GSDMC: variants seen among roughly 807,000 people sequenced by gnomAD.
GSDMC encodes gasdermin C, also known as gasdermin-C.
A neutral mutation model predicts 58.0 loss-of-function variants in GSDMC; 59 were observed. The ratio of observed to expected loss-of-function variants is 1.02; its 90% CI spans 0.82 to 1.26. The LOEUF is 1.26. Among genes scored for constraint, GSDMC ranks in the 50% most tolerant of loss-of-function variants. GSDMC has a pLI of 0.00. For synonymous variants in GSDMC, 241 were observed against 220.2 expected, an observed-to-expected ratio of 1.09 and a Z score of -0.83; for missense variants, 659 against 598.5, an observed-to-expected ratio of 1.10 and a Z score of -1.06.
Position 129,750,516 on chromosome 8 carries a change from A to AC in GSDMC, c.997_998insG (p.Leu333ArgfsTer59). The AC allele has an allele frequency of 1.2e-6, 2 of 1,613,862 alleles. No individual in the cohort carries two copies. The highest frequency in any genetic ancestry group is 1.7e-6 in the Non-Finnish European group (2 of 1,179,780). On this transcript the variant is annotated frameshift_variant, in exon 11 of 14. Coordinates refer to ENST00000276708, the MANE Select transcript of GSDMC (RefSeq NM_031415.3). LOFTEE classifies it high-confidence loss of function. Reference sequence around the variant, plus strand: ...CATGACATCCTGAACATCCTTTGAGAGCTGAGCCAGTGTCTTTATTTTCTG... The same window carrying AC: ...CATGACATCCTGAACATCCTTTGAGACGCTGAGCCAGTGTCTTTATTTTCTG...
At chr8:129,749,082 A>G (rs770725745) in intron 13 of GSDMC, among the ~76,000 whole-genome samples, 10 of 152,224 alleles carry the variant, frequency 6.6e-5, no homozygotes, top group Non-Finnish European at 1.5e-4. Flanking sequence ...AGAAAAACAG[A>G]GAAATTAGCA....
the GSDMC span, among the ~76,000 whole-genome samples, chr8:129,738,185 G>A: frequency 6.6e-6 from 1 of 152,338 alleles, no homozygotes; most frequent in South Asian, 2.1e-4. Context: ...TGGAGAGGAT[G>A]TGGAGAAATA....
intron 4 of GSDMC, among the ~76,000 whole-genome samples, chr8:129,763,126 C>T (rs1170061104): frequency 6.6e-6 from 1 of 152,124 alleles, no homozygotes; most frequent in Non-Finnish European, 1.5e-5. Flanking sequence ...CCGATCTTTC[C>T]TTTATCAGTT....
chr8:129,746,480 T>C (rs2032964401), downstream of GSDMC, among the ~76,000 whole-genome samples: 1 of 152,188 alleles, frequency 6.6e-6, no homozygotes, highest in Admixed American at 6.5e-5. Flanking sequence ...ACAATTGGTA[T>C]CTGTGAGGTA....
At chr8:129,729,835 G>A in the GSDMC span, 1 of 717,484 alleles carries the variant, frequency 1.4e-6, no homozygotes, top group Non-Finnish European at 2.5e-6. Context: ...AGACAGAAAA[G>A]CAAGGCTGCA....
At chr8:129,761,882 C>T (rs1209867469) in intron 5 of GSDMC, among the ~76,000 whole-genome samples, 1 of 152,162 alleles carries the variant, frequency 6.6e-6, no homozygotes, top group African/African-American at 2.4e-5. Context: ...ACTCCCGTGA[C>T]CATGTTGCAG....
rs968513041 is a variant in GSDMC, at chr8:129,765,849, G to T, written c.405-56C>A. 16 of 1,456,264 alleles carry T rather than the reference G, an allele frequency of 1.1e-5. No individual in the cohort carries two copies. The South Asian group carries it at 1.9e-4, about 18-fold the overall frequency. The allele number at this position is 1,456,264 out of a possible 1,614,324, so 90.2% of individuals were successfully genotyped here. A position where few individuals can be genotyped will look rare whatever the true frequency, so the allele number is the denominator to read the frequency against. ...AGAGTGGGAAAGTGATGGCTTTTCA[G>T]GTTACTCTGGGTGCCCTTCTCCCCA... On this transcript the variant is annotated intron_variant, in intron 3 of 13. Transcript: ENST00000276708.
chr8:129,717,494 C>T, the GSDMC span, among the ~76,000 whole-genome samples: 18 of 151,994 alleles, frequency 1.2e-4, no homozygotes, highest in East Asian at 1.9e-4. Context: ...AGGAGAACTA[C>T]GAACCACTAC....
chr8:129,766,674 C>G (rs1269979396), intron 3 of GSDMC, among the ~76,000 whole-genome samples: 1 of 152,112 alleles, frequency 6.6e-6, no homozygotes, highest in Non-Finnish European at 1.5e-5. Flanking sequence ...ACACCAAGCT[C>G]GGTGTTTCAC....
intron 12 of GSDMC, 119 bp downstream of exon 12, chr8:129,749,871 T>A (rs2033102636): frequency 1.3e-6 from 1 of 785,680 alleles, no homozygotes; most frequent in Admixed American, 2.9e-5. Flanking sequence ...AGCTGTGATG[T>A]AAGGACGAAA....
downstream of GSDMC, among the ~76,000 whole-genome samples, chr8:129,745,523 CA>C (rs34207831): frequency 0.32 from 49,233 of 151,964 alleles, 11,548 homozygotes; most frequent in African/African-American, 0.65. Flanking sequence ...TTATATGCTA[CA>C]ACCTTAATAT....
chr8:129,718,984 G>A, the GSDMC span, among the ~76,000 whole-genome samples: 1 of 152,106 alleles, frequency 6.6e-6, no homozygotes, highest in South Asian at 2.1e-4. Context: ...GCTGAACAAT[G>A]AGAACACACG....
At chr8:129,765,570 C>G (rs1184447180) in intron 4 of GSDMC, 58 bp downstream of exon 4, 11 of 1,265,448 alleles carry the variant, frequency 8.7e-6, no homozygotes, top group Non-Finnish European at 1.3e-5. Flanking sequence ...TGAAGCTTGG[C>G]TGCCAGGACT....
the GSDMC span, among the ~76,000 whole-genome samples, chr8:129,712,761 G>A: frequency 6.6e-6 from 1 of 152,214 alleles, no homozygotes; most frequent in Non-Finnish European, 1.5e-5. Context: ...ATATTAGACA[G>A]GCAACCCAAG....
At chr8:129,750,202 C>A in intron 11 of GSDMC, 83 bp from the exon 12 acceptor site, 1 of 1,207,344 alleles carries the variant, frequency 8.3e-7, no homozygotes, top group Non-Finnish European at 1.1e-6. Context: ...TGGTGATAAC[C>A]AAGGGGTAGG....
chr8:129,777,400 T>C lies in GSDMC; in HGVS notation c.188A>G (p.Asn63Ser), dbSNP rs115142760. Residue 63 changes from asparagine (N) to serine (S), a missense_variant, in exon 2 of 14, where the codon AAT becomes AGT. Coordinates refer to ENST00000276708, the MANE Select transcript of GSDMC (RefSeq NM_031415.3). Reference protein sequence around the residue: ...SDYVPVEFSLNDILEPSSSVL... With the variant: ...SDYVPVEFSLSDILEPSSSVL... ...TGAAGAACTTGGCTCCAGGATGTCA[T>C]TGAGGGAGAATTCAACTGGAACATA... 237 of 1,613,344 alleles carry C rather than the reference T, an allele frequency of 1.5e-4. No individual in the cohort carries two copies. Among genetic ancestry groups the C allele is most frequent in the East Asian group, 8.5e-4 (38 of 44,876 alleles).
chr8:129,722,700 A>ATT, the GSDMC span, among the ~76,000 whole-genome samples: 1 of 152,228 alleles, frequency 6.6e-6, no homozygotes, highest in Non-Finnish European at 1.5e-5. Context: ...TTTATTGAAT[A>ATT]AATGAATGAA....
chr8:129,716,672 G>C, the GSDMC span, among the ~76,000 whole-genome samples: 1 of 152,188 alleles, frequency 6.6e-6, no homozygotes. Flanking sequence ...GGAGTGGTGA[G>C]AGAGGGCATC....
At chr8:129,767,933 T>C (rs982511359) in intron 3 of GSDMC, among the ~76,000 whole-genome samples, 2 of 151,846 alleles carry the variant, frequency 1.3e-5, no homozygotes, top group African/African-American at 4.8e-5. Context: ...TGCAACAACA[T>C]CTGACAAGAG....
Sources: gnomAD v4.1 joint callset for allele counts (sites outside exome capture counted in the v4.1 genomes callset) on GRCh38, gnomAD v4.1.1 for gene constraint, MANE v1.5 for transcripts, NCBI Gene and HGNC (gene_info 2026-07-23, HGNC 2026-07-21) for gene names.